PLPP1: variants seen among roughly 807,000 people sequenced by gnomAD.
PLPP1 encodes lipid phosphate phosphohydrolase 1a.
In PLPP1, 24 loss-of-function variants were observed where a neutral mutation model predicts 31.2. That is an observed-to-expected ratio of 0.77 (90% CI 0.56 to 1.08). PLPP1 has a LOEUF of 1.08. Ranked by LOEUF, PLPP1 falls within the 50% of genes least tolerant of loss-of-function variation. PLPP1 has a pLI of 0.00. For missense variants in PLPP1, 319 were observed against 342.7 expected, an observed-to-expected ratio of 0.93 and a Z score of 0.55; for synonymous variants, 146 against 126.3, an observed-to-expected ratio of 1.16 and a Z score of -1.05.
intron 3 of PLPP1, among the ~76,000 whole-genome samples, chr5:55,453,873 G>A (rs545048572): frequency 3.3e-5 from 5 of 152,170 alleles, no homozygotes; most frequent in African/African-American, 9.6e-5. Context: ...CCCAGGAGGT[G>A]GAAGTTGCAG....
intron 5 of PLPP1, chr5:55,425,564 A>T (rs1295077057): frequency 6.5e-6 from 3 of 464,634 alleles, no homozygotes; most frequent in African/African-American, 4.0e-5. Context: ...AATACTGAAT[A>T]AAAGAGTTAT....
At chr5:55,514,291 G>T (rs1431430335) in intron 1 of PLPP1, among the ~76,000 whole-genome samples, 3 of 151,876 alleles carry the variant, frequency 2.0e-5, no homozygotes, top group Non-Finnish European at 2.9e-5. Context: ...AGGCTGAGGT[G>T]GGAGGATCAA....
At chr5:55,483,920 T>C (rs1212176414) in intron 1 of PLPP1, among the ~76,000 whole-genome samples, 1 of 152,166 alleles carries the variant, frequency 6.6e-6, no homozygotes, top group African/African-American at 2.4e-5. Flanking sequence ...AAGATATGTT[T>C]ACATAGATGT....
At chr5:55,530,536 T>C (rs1740626126) in intron 1 of PLPP1, 1 of 1,222,682 alleles carries the variant, frequency 8.2e-7, no homozygotes, top group Admixed American at 1.7e-5. Flanking sequence ...ATCTGAAAGT[T>C]TGGAATGATA....
chr5:55,491,258 T>A, intron 1 of PLPP1: 1 of 816,116 alleles, frequency 1.2e-6, no homozygotes, highest in Non-Finnish European at 1.9e-6. Context: ...GGGCAAAGAT[T>A]AAGGAAATCA....
At position 55,426,054 on chromosome 5, in the gene PLPP1, T is replaced by TAAAG. The variant is rs1554035964; in HGVS notation, c.550-19_550-16dup. 3 of 1,560,588 alleles carry TAAAG rather than the reference T, an allele frequency of 1.9e-6. No individual in the cohort carries two copies. The highest frequency in any genetic ancestry group is 1.4e-5 in the African/African-American group (1 of 72,022). ...TGAAGATAAAGCTAAAAGAAAAGAA[T>TAAAG]AAAGAAAAAAATAGTTTATTTAACA... On this transcript the variant is annotated splice_polypyrimidine_tract_variant and intron_variant, in intron 4 of 5. Coordinates refer to ENST00000307259, the MANE Select transcript of PLPP1 (RefSeq NM_003711.4).
chr5:55,489,009 C>T (rs985174274), intron 1 of PLPP1, among the ~76,000 whole-genome samples: 2 of 151,832 alleles, frequency 1.3e-5, no homozygotes, highest in Non-Finnish European at 2.9e-5. Context: ...GCCTGGCCAA[C>T]ATGAAGAAAC....
At chr5:55,492,464 G>A (rs762869324) in intron 1 of PLPP1, among the ~76,000 whole-genome samples, 3 of 152,082 alleles carry the variant, frequency 2.0e-5, no homozygotes, top group Non-Finnish European at 4.4e-5. Context: ...TGGCATAGAA[G>A]GACCTATAGG....
intron 1 of PLPP1, among the ~76,000 whole-genome samples, chr5:55,506,181 C>A (rs1410773188): frequency 1.3e-5 from 2 of 151,538 alleles, no homozygotes; most frequent in African/African-American, 4.9e-5. Flanking sequence ...AAACCAAATG[C>A]CTTTTTTTAA....
At chr5:55,466,628 G>A (rs927740329) in intron 3 of PLPP1, among the ~76,000 whole-genome samples, 2 of 151,984 alleles carry the variant, frequency 1.3e-5, no homozygotes, top group South Asian at 2.1e-4. Flanking sequence ...GCTTGAACCC[G>A]GGAGGCAGAG....
intron 1 of PLPP1, among the ~76,000 whole-genome samples, chr5:55,523,543 T>C (rs934272554): frequency 3.3e-5 from 5 of 152,202 alleles, no homozygotes; most frequent in African/African-American, 1.2e-4. Flanking sequence ...AGAATGCAGA[T>C]GACCAAGCTC....
In PLPP1 at chr5:55,483,669, CAA is replaced by C. The variant is rs35550771; in HGVS notation, c.59-8221_59-8220del. Among the ~76,000 whole-genome samples, 506 of 117,264 alleles carry C rather than the reference CAA, an allele frequency of 4.3e-3. 3 individuals are homozygous for C. The highest frequency in any genetic ancestry group is 0.016 in the African/African-American group (482 of 30,582). The allele number at this position is 117,264 out of a possible 152,430, so 76.9% of individuals were successfully genotyped here. On this transcript the variant is annotated intron_variant, in intron 1 of 5. Coordinates refer to ENST00000307259, the MANE Select transcript of PLPP1 (RefSeq NM_003711.4). ...CCTGGGTGACAAAGGGAGACTGTCT[CAA>C]AAAAAAAAAAAAAAAACTACATTAT...
intron 3 of PLPP1, among the ~76,000 whole-genome samples, chr5:55,446,420 C>T (rs907903380): frequency 2.6e-5 from 4 of 152,206 alleles, no homozygotes; most frequent in African/African-American, 9.7e-5. Flanking sequence ...ACCTACTTGG[C>T]CAACTTTGAT....
chr5:55,443,454 G>C (rs1751682008), intron 3 of PLPP1, among the ~76,000 whole-genome samples: 1 of 151,974 alleles, frequency 6.6e-6, no homozygotes, highest in African/African-American at 2.4e-5. Flanking sequence ...TTTTAAATCA[G>C]ATAATTAGAG....
intron 3 of PLPP1, among the ~76,000 whole-genome samples, chr5:55,447,282 T>G (rs1255728214): frequency 2.0e-5 from 3 of 152,220 alleles, no homozygotes; most frequent in Non-Finnish European, 4.4e-5. Context: ...AGCGGTTTGT[T>G]TTTAATTATA....
At chr5:55,428,326 T>C (rs1327945827) in intron 4 of PLPP1, among the ~76,000 whole-genome samples, 1 of 152,208 alleles carries the variant, frequency 6.6e-6, no homozygotes, top group Admixed American at 6.5e-5. Context: ...TATGTGCCCA[T>C]ACTGCGTTTC....
chr5:55,511,842 T>A (rs933621923), intron 1 of PLPP1, among the ~76,000 whole-genome samples: 9 of 151,416 alleles, frequency 5.9e-5, no homozygotes, highest in South Asian at 2.1e-4. Flanking sequence ...TTTTTTTTTT[T>A]TTATTTTTAG....
intron 1 of PLPP1, among the ~76,000 whole-genome samples, chr5:55,527,443 C>T (rs1389376637): frequency 2.6e-5 from 4 of 152,138 alleles, no homozygotes; most frequent in Non-Finnish European, 5.9e-5. Context: ...CTGAGGGAAC[C>T]ATAACCCCCT....
intron 4 of PLPP1, among the ~76,000 whole-genome samples, chr5:55,428,523 C>G (rs1227613622): frequency 6.6e-6 from 1 of 152,246 alleles, no homozygotes; most frequent in African/African-American, 2.4e-5. Flanking sequence ...GTAAGTTCAA[C>G]AAAGCTAAAA....
Sources: allele counts gnomAD v4.1 joint callset (sites outside exome capture counted in the v4.1 genomes callset), GRCh38; gene constraint gnomAD v4.1.1; transcripts MANE v1.5; gene names NCBI Gene and HGNC (gene_info 2026-07-23, HGNC 2026-07-21).